Variants in ZNF678 observed in about 807,000 individuals in gnomAD.
ZNF678 encodes the protein hypothetical protein MGC42493.
A neutral mutation model predicts 3.0 loss-of-function variants in ZNF678; 5 were observed. The ratio of observed to expected loss-of-function variants is 1.69; its 90% CI spans 0.88 to 3.56. The LOEUF (loss-of-function observed/expected upper bound fraction) is 3.56, where lower values mean the gene tolerates loss of function less well. Among genes scored for constraint, ZNF678 ranks in the 30% most tolerant of loss-of-function variants. The pLI is 0.00. For missense variants in ZNF678, 593 were observed against 605.0 expected (o/e 0.98, Z 0.21); for synonymous variants, 218 against 199.6 (o/e 1.09, Z -0.78).
exon 6 of ZNF678, chr1:227,677,286 C>T (rs1202797530): frequency 6.6e-6 from 1 of 152,202 alleles, no homozygotes; most frequent in African/African-American, 2.4e-5. Flanking sequence ...AAGCTCCACC[C>T]AAGTTGGGAA....
intron 2 of ZNF678, among the ~76,000 whole-genome samples, chr1:227,647,101 A>AC: frequency 6.6e-6 from 1 of 152,048 alleles, no homozygotes; most frequent in East Asian, 1.9e-4. Flanking sequence ...AAAAATACAA[A>AC]AAAAAATTAG....
chr1:227,591,589 T>C (rs1657414793), intron 1 of ZNF678, among the ~76,000 whole-genome samples: 1 of 152,102 alleles, frequency 6.6e-6, no homozygotes, highest in Non-Finnish European at 1.5e-5. Context: ...GGCTCACACT[T>C]TACTCGTATC....
chr1:227,617,888 T>A (rs990979365), intron 1 of ZNF678, among the ~76,000 whole-genome samples: 3 of 152,186 alleles, frequency 2.0e-5, no homozygotes, highest in African/African-American at 7.2e-5. Context: ...ATTTTGTGGA[T>A]ACTGGTCAGC....
At chr1:227,677,986 G>A (rs1659712149), downstream of ZNF678, among the ~76,000 whole-genome samples, 1 of 152,140 alleles carries the variant, frequency 6.6e-6, no homozygotes, top group Admixed American at 6.5e-5. Context: ...TATGCATTAG[G>A]GGCAGAAATC....
At chr1:227,567,510 T>C (rs1416072036) in intron 1 of ZNF678, among the ~76,000 whole-genome samples, 2 of 152,020 alleles carry the variant, frequency 1.3e-5, no homozygotes, top group African/African-American at 4.8e-5. Flanking sequence ...GCCCTTTACA[T>C]TGAGAGAAGC....
downstream of ZNF678, among the ~76,000 whole-genome samples, chr1:227,679,304 AAAG>A (rs902505360): frequency 1.6e-4 from 24 of 152,250 alleles, no homozygotes; most frequent in Middle Eastern, 0.014. Context: ...GCCCCCAAAG[AAAG>A]AAGAAGTAAA....
At chr1:227,591,963 G>A (rs138627436) in intron 1 of ZNF678, among the ~76,000 whole-genome samples, 28 of 152,224 alleles carry the variant, frequency 1.8e-4, no homozygotes, top group African/African-American at 4.6e-4. Flanking sequence ...CAGTTTCCGC[G>A]TGTGACTGGA....
intron 1 of ZNF678, among the ~76,000 whole-genome samples, chr1:227,640,477 G>C (rs976099247): frequency 1.5e-4 from 22 of 148,254 alleles, no homozygotes; most frequent in Admixed American, 1.4e-3. Flanking sequence ...GAATGGAGGA[G>C]AAGGGAATGG....
intron 1 of ZNF678, among the ~76,000 whole-genome samples, chr1:227,620,979 G>C (rs955415334): frequency 1.3e-5 from 2 of 152,112 alleles, no homozygotes; most frequent in Non-Finnish European, 2.9e-5. Flanking sequence ...CTTGCCAGGT[G>C]CCATGGGTCA....
downstream of ZNF678, among the ~76,000 whole-genome samples, chr1:227,665,630 T>C (rs1659492970): frequency 6.6e-6 from 1 of 152,264 alleles, no homozygotes; most frequent in Non-Finnish European, 1.5e-5. Context: ...CCTTAGAATA[T>C]AATTGCTTTC....
chr1:227,646,660 G>A lies in ZNF678; in HGVS notation c.-47G>A, dbSNP rs1486361070. The A allele has an allele frequency of 7.3e-7, 1 of 1,371,710 alleles. No homozygotes were observed. The highest frequency in any genetic ancestry group is 1.9e-5 in the Admixed American group (1 of 52,662). The allele number at this position is 1,371,710 out of a possible 1,614,324, so 85.0% of individuals were successfully genotyped here. On this transcript the variant is annotated 5_prime_UTR_variant, in exon 2 of 4. Coordinates refer to ENST00000343776, the MANE Select transcript of ZNF678 (RefSeq NM_001367909.1). ...TGATGTTCGAGAACTACAGAAACCT[G>A]GTCTCCCTGGGTGAGGATAACTTCA... is the stretch of plus-strand genomic sequence containing the variant.
rs1558148660 is a variant in ZNF678, at chr1:227,629,929, G to A, written c.-163-16615G>A. On this transcript the variant is annotated intron_variant, in intron 1 of 3. Coordinates refer to ENST00000343776, the MANE Select transcript of ZNF678 (RefSeq NM_001367909.1). ...CAAAGTCCACTTGCCTGAGGGCCAT[G>A]ACTAAAGTGATGGCCTTTTTTTTTT... Among the ~76,000 whole-genome samples, 5 of 151,834 alleles carry A rather than the reference G, an allele frequency of 3.3e-5. No homozygotes were observed. The South Asian group carries it at 1.0e-3, about 32-fold the overall frequency.
At chr1:227,595,654 A>G (rs951363210) in intron 1 of ZNF678, among the ~76,000 whole-genome samples, 2 of 152,206 alleles carry the variant, frequency 1.3e-5, no homozygotes, top group African/African-American at 4.8e-5. Context: ...CAAAACAAAG[A>G]ACGGGTAAAA....
At chr1:227,632,051 G>A (rs770343904) in intron 1 of ZNF678, among the ~76,000 whole-genome samples, 3 of 152,208 alleles carry the variant, frequency 2.0e-5, no homozygotes, top group Non-Finnish European at 2.9e-5. Context: ...AATTGGGGGA[G>A]TAGAGCACCT....
At chr1:227,640,660 G>A (rs991230649) in intron 1 of ZNF678, among the ~76,000 whole-genome samples, 1 of 152,142 alleles carries the variant, frequency 6.6e-6, no homozygotes, top group Non-Finnish European at 1.5e-5. Context: ...ATTTGGACCC[G>A]TTATCTAATT....
intron 1 of ZNF678, among the ~76,000 whole-genome samples, chr1:227,604,165 A>G (rs1657807077): frequency 6.6e-6 from 1 of 152,204 alleles, no homozygotes; most frequent in Admixed American, 6.5e-5. Flanking sequence ...GTGTGAACCA[A>G]CATTTTCATC....
chr1:227,569,867 G>A (rs12563564), intron 1 of ZNF678, among the ~76,000 whole-genome samples: 2,530 of 152,222 alleles, frequency 0.017, 57 homozygotes, highest in South Asian at 0.057. Flanking sequence ...TTGCATTGGT[G>A]TTTGTGCATT....
intron 1 of ZNF678, among the ~76,000 whole-genome samples, chr1:227,646,155 A>G (rs566668496): frequency 6.6e-6 from 1 of 152,340 alleles, no homozygotes; most frequent in East Asian, 1.9e-4. Flanking sequence ...CTGAATCAAA[A>G]TCTACATTTT....
chr1:227,593,083 C>T (rs538765280), intron 1 of ZNF678, among the ~76,000 whole-genome samples: 8 of 152,310 alleles, frequency 5.3e-5, no homozygotes, highest in South Asian at 4.1e-4. Flanking sequence ...CGCAGGGTGC[C>T]GGACTTCAGG....
Sources: allele counts gnomAD v4.1 joint callset (sites outside exome capture counted in the v4.1 genomes callset), GRCh38; gene constraint gnomAD v4.1.1; transcripts MANE v1.5; gene names NCBI Gene and HGNC (gene_info 2026-07-23, HGNC 2026-07-21).